The following EYS variants were observed in gnomAD, a reference collection of about 807,000 sequenced individuals.
EYS encodes EGF-like photoreceptor maintenance factor, also known as protein eyes shut homolog.
Under a neutral mutation model 282.1 loss-of-function variants are expected in EYS, and 250 were observed. That is an observed-to-expected ratio of 0.89 (90% CI 0.80 to 0.98). The LOEUF is 0.98. Ranked by LOEUF, EYS falls within the 50% of genes least tolerant of loss-of-function variation. EYS has a pLI of 0.00. For missense variants in EYS, 4,016 were observed against 3,709.0 expected, an observed-to-expected ratio of 1.08 and a Z score of -2.15; for synonymous variants, 1,355 against 1,282.9, an observed-to-expected ratio of 1.06 and a Z score of -1.20.
chr6:64,427,611 G>T (rs1357161527), intron 28 of EYS, among the ~76,000 whole-genome samples: 1 of 151,982 alleles, frequency 6.6e-6, no homozygotes, highest in African/African-American at 2.4e-5. Context: ...GAGAAGATTT[G>T]ATGTAAACAA....
intron 35 of EYS, among the ~76,000 whole-genome samples, chr6:63,912,675 G>A (rs953669738): frequency 6.6e-6 from 1 of 152,036 alleles, no homozygotes; most frequent in Non-Finnish European, 1.5e-5. Context: ...GGATTATGGG[G>A]GTGGATTTCT....
At chr6:64,154,529 T>C (rs1384312934) in intron 31 of EYS, among the ~76,000 whole-genome samples, 1 of 151,134 alleles carries the variant, frequency 6.6e-6, no homozygotes, top group Non-Finnish European at 1.5e-5. Context: ...AAAGTAAATA[T>C]AGCAAAATTT....
chr6:63,791,389 AC>A (rs1724930698), intron 37 of EYS, among the ~76,000 whole-genome samples: 1 of 152,158 alleles, frequency 6.6e-6, no homozygotes, highest in South Asian at 2.1e-4. Flanking sequence ...CCTGGCTAAC[AC>A]GGTGAAACCC....
intron 13 of EYS, among the ~76,000 whole-genome samples, chr6:65,021,039 A>C (rs1027765098): frequency 1.3e-5 from 2 of 152,048 alleles, no homozygotes; most frequent in African/African-American, 4.8e-5. Context: ...TTAGATCTCC[A>C]AGCCTGTGAT....
At chr6:65,227,024 C>G (rs150067927) in intron 12 of EYS, among the ~76,000 whole-genome samples, 2 of 152,134 alleles carry the variant, frequency 1.3e-5, no homozygotes, top group East Asian at 3.9e-4. Context: ...CACCTGAGAT[C>G]GGGAGTGAGA....
intron 7 of EYS, among the ~76,000 whole-genome samples, chr6:65,391,068 CATG>C (rs1766011758): frequency 1.3e-5 from 2 of 151,918 alleles, no homozygotes; most frequent in Non-Finnish European, 2.9e-5. Context: ...TTAAAGATTT[CATG>C]ATGTTAATTC....
At chr6:65,440,203 C>A (rs576836763) in intron 5 of EYS, among the ~76,000 whole-genome samples, 1 of 152,070 alleles carries the variant, frequency 6.6e-6, no homozygotes, top group South Asian at 2.1e-4. Context: ...TTCAAGCATG[C>A]ATTTTACTCT....
chr6:64,568,786 A>G (rs1765633426), intron 26 of EYS, among the ~76,000 whole-genome samples: 1 of 152,166 alleles, frequency 6.6e-6, no homozygotes. Context: ...AGGAAGGAAC[A>G]GGCAACAATC....
At chr6:65,081,236 C>A (rs1416575311) in intron 12 of EYS, among the ~76,000 whole-genome samples, 1 of 151,910 alleles carries the variant, frequency 6.6e-6, no homozygotes, top group Non-Finnish European at 1.5e-5. Context: ...ATCTCAGTAG[C>A]CCCTTTTAAC....
At chr6:64,342,236 A>G (rs1771148669) in intron 29 of EYS, among the ~76,000 whole-genome samples, 1 of 151,612 alleles carries the variant, frequency 6.6e-6, no homozygotes, top group Admixed American at 6.6e-5. Context: ...TTTTAAAAAT[A>G]TAGTAATTTG....
At chr6:63,723,962 C>T (rs184597556) in intron 42 of EYS, among the ~76,000 whole-genome samples, 1 of 152,032 alleles carries the variant, frequency 6.6e-6, no homozygotes, top group Admixed American at 6.6e-5. Context: ...CACTGGCCAT[C>T]ACGGCCGGCT....
chr6:65,492,323 A>AG lies in EYS; in HGVS notation c.749-1617dup, dbSNP rs1413805358. Among the ~76,000 whole-genome samples the AG allele has an allele frequency of 3.9e-5, 4 of 103,230 alleles. No homozygotes were observed. The East Asian group carries it at 1.2e-3, about 32-fold the overall frequency. The allele number at this position is 103,230 out of a possible 152,430, so 67.7% of individuals were successfully genotyped here. ...AAAGAGAAAGAGAGAGAAAGAAAGAAGAAAGAAAGAAACAAACAAACAAAG... is the reference window on the plus strand; with the variant it reads ...AAAGAGAAAGAGAGAGAAAGAAAGAAGGAAAGAAAGAAACAAACAAACAAAG... On this transcript the variant is annotated intron_variant, in intron 4 of 42. Transcript: ENST00000503581.
chr6:64,931,187 A>AT (rs1176868329), intron 15 of EYS, among the ~76,000 whole-genome samples: 1 of 152,026 alleles, frequency 6.6e-6, no homozygotes, highest in Non-Finnish European at 1.5e-5. Flanking sequence ...CATTTATCTA[A>AT]TTTTTTTCTC....
intron 15 of EYS, among the ~76,000 whole-genome samples, chr6:64,926,845 GT>G (rs1768533590): frequency 6.6e-6 from 1 of 152,142 alleles, no homozygotes; most frequent in Admixed American, 6.5e-5. Context: ...GTAGGTATTT[GT>G]AAAGAATTCC....
rs151316705 is a variant in EYS, at chr6:64,401,296, T to C, written c.5928-12456A>G. 9.2e-5 allele frequency among the ~76,000 whole-genome samples: 14 copies of C among 152,232 alleles called. No homozygotes were observed. In the East Asian group the frequency reaches 2.1e-3, roughly 23 times the overall value. On this transcript the variant is annotated intron_variant, in intron 28 of 42. Coordinates refer to ENST00000503581, the MANE Select transcript of EYS (RefSeq NM_001142800.2). Reference sequence around the variant, plus strand: ...TTAAGCTTAACAAAATTGTTCTTAATTGAAAGCAATAAACCTTCCTATAAA... The same window carrying C: ...TTAAGCTTAACAAAATTGTTCTTAACTGAAAGCAATAAACCTTCCTATAAA...
chr6:64,881,210 AT>A (rs546947449), intron 19 of EYS, among the ~76,000 whole-genome samples: 1 of 151,660 alleles, frequency 6.6e-6, no homozygotes, highest in Non-Finnish European at 1.5e-5. Context: ...CCTTATCATC[AT>A]TTTTTTGACA....
intron 13 of EYS, among the ~76,000 whole-genome samples, chr6:65,036,498 A>C (rs2150146689): frequency 6.6e-6 from 1 of 151,940 alleles, no homozygotes; most frequent in East Asian, 1.9e-4. Context: ...TTAATTAAAG[A>C]GGAAACTTTC....
chr6:64,214,334 C>T (rs187109718), intron 31 of EYS, among the ~76,000 whole-genome samples: 2 of 152,176 alleles, frequency 1.3e-5, no homozygotes, highest in African/African-American at 4.8e-5. Context: ...ATGTGCTGCA[C>T]TTTGGAATCC....
intron 29 of EYS, among the ~76,000 whole-genome samples, chr6:64,320,023 A>G (rs913060793): frequency 1.3e-5 from 2 of 151,982 alleles, no homozygotes; most frequent in East Asian, 3.8e-4. Flanking sequence ...TTTTTGGCCT[A>G]AAAATGTCAT....
Sources: allele counts gnomAD v4.1 joint callset (sites outside exome capture counted in the v4.1 genomes callset), GRCh38; gene constraint gnomAD v4.1.1; transcripts MANE v1.5; gene names NCBI Gene and HGNC (gene_info 2026-07-23, HGNC 2026-07-21).